Variants in RAB7A observed in about 807,000 individuals in gnomAD.
RAB7A encodes the protein ras-related protein Rab-7a.
A neutral mutation model predicts 24.5 loss-of-function variants in RAB7A; 2 were observed. The observed-to-expected ratio is 0.08, with a 90% confidence interval of 0.03 to 0.26. The LOEUF (loss-of-function observed/expected upper bound fraction) is 0.26. RAB7A is among the 10% of genes least tolerant of loss of function. The pLI is 1.00. For missense variants in RAB7A, 118 were observed against 255.7 expected (o/e 0.46, Z 3.67); for synonymous variants, 100 against 95.9 (o/e 1.04, Z -0.25).
chr3:128,763,188 T>TTATATATATATATA lies in RAB7A; in HGVS notation c.-8-32164_-8-32151dup, dbSNP rs765866649. Among the ~76,000 whole-genome samples, 57 of 82,086 alleles carry TTATATATATATATA rather than the reference T, an allele frequency of 6.9e-4. 3 individuals carry two copies. Among genetic ancestry groups the TTATATATATATATA allele is most frequent in the African/African-American group, 2.7e-3 (56 of 20,504 alleles). The allele number at this position is 82,086 out of a possible 152,430, so 53.9% of individuals were successfully genotyped here. On this transcript the variant is annotated intron_variant, in intron 1 of 5. Coordinates refer to ENST00000265062, the MANE Select transcript of RAB7A (RefSeq NM_004637.6). The stretch of plus-strand genomic sequence containing the variant: ...GTCTAAAGGCTTGAGTACATTTAGC[T>TTATATATATATATA]TATATATATATATATATATATTTTT...
chr3:128,758,241 G>A (rs183797540), intron 1 of RAB7A, among the ~76,000 whole-genome samples: 2 of 151,378 alleles, frequency 1.3e-5, no homozygotes, highest in African/African-American at 2.4e-5. Flanking sequence ...TGGGGTTACA[G>A]GTGTGAGCCA....
chr3:128,727,509 C>G (rs2070392800), intron 1 of RAB7A, among the ~76,000 whole-genome samples: 1 of 152,162 alleles, frequency 6.6e-6, no homozygotes, highest in African/African-American at 2.4e-5. Context: ...CCCTTAAAGC[C>G]ATAAGAAATG....
intron 2 of RAB7A, among the ~76,000 whole-genome samples, chr3:128,796,954 A>G (rs917882124): frequency 6.6e-6 from 1 of 152,162 alleles, no homozygotes; most frequent in South Asian, 2.1e-4. Flanking sequence ...TTGAGCCACC[A>G]TGCCCAGCCT....
At chr3:128,741,243 G>A (rs1232799899) in intron 1 of RAB7A, among the ~76,000 whole-genome samples, 1 of 152,014 alleles carries the variant, frequency 6.6e-6, no homozygotes, top group Non-Finnish European at 1.5e-5. Context: ...TTCCTGGCTT[G>A]TATCTCTTGG....
At chr3:128,772,108 A>G (rs1932952362) in intron 1 of RAB7A, among the ~76,000 whole-genome samples, 1 of 152,244 alleles carries the variant, frequency 6.6e-6, no homozygotes, top group Non-Finnish European at 1.5e-5. Context: ...GTAGGACAAC[A>G]AAGAGCAGAC....
intron 1 of RAB7A, among the ~76,000 whole-genome samples, chr3:128,753,837 CTG>C (rs2070708014): frequency 6.6e-6 from 1 of 152,124 alleles, no homozygotes; most frequent in East Asian, 1.9e-4. Context: ...TGGAGTCTCA[CTG>C]TGTTGCCCAG....
At chr3:128,804,938 G>C (rs1473143250) in intron 3 of RAB7A, among the ~76,000 whole-genome samples, 1 of 152,208 alleles carries the variant, frequency 6.6e-6, no homozygotes. Context: ...CACCCCATCT[G>C]CTGTTGCCAG....
chr3:128,766,968 G>GTT (rs796473784), intron 1 of RAB7A, among the ~76,000 whole-genome samples: 1 of 147,318 alleles, frequency 6.8e-6, no homozygotes, highest in African/African-American at 2.5e-5. Flanking sequence ...CTCGTTTTCT[G>GTT]TTTTTTTTTT....
At chr3:128,743,957 T>A (rs1428901239) in intron 1 of RAB7A, among the ~76,000 whole-genome samples, 4 of 151,976 alleles carry the variant, frequency 2.6e-5, no homozygotes, top group Non-Finnish European at 5.9e-5. Context: ...CCCAGCTAAC[T>A]TGTGTATTTT....
chr3:128,729,754 T>C (rs1247684815), intron 1 of RAB7A, among the ~76,000 whole-genome samples: 3 of 152,174 alleles, frequency 2.0e-5, no homozygotes, highest in Non-Finnish European at 4.4e-5. Context: ...TGATAAAGTA[T>C]TTATCTCCCC....
intron 3 of RAB7A, among the ~76,000 whole-genome samples, chr3:128,798,687 A>G (rs910881828): frequency 6.6e-6 from 1 of 151,876 alleles, no homozygotes; most frequent in Non-Finnish European, 1.5e-5. Flanking sequence ...GTTTGTATAC[A>G]TGTATTAACA....
chr3:128,813,706 G>A lies in RAB7A; in HGVS notation c.*284G>A, dbSNP rs1269790153. The A allele has an allele frequency of 2.1e-6, 1 of 484,100 alleles. No individual in the cohort carries two copies. Among genetic ancestry groups the A allele is most frequent in the Non-Finnish European group, 3.8e-6 (1 of 260,794 alleles). 30.0% of individuals were successfully genotyped at this position (484,100 alleles called of 1,614,324 possible). A position where few individuals can be genotyped will look rare whatever the true frequency, so the allele number is the denominator to read the frequency against. ...CCCACATGAGCCCGCGAGTATGGCA[G>A]CAGGACAAGCCAGCGGTGGAAGTCA... On this transcript the variant is annotated 3_prime_UTR_variant, in exon 6 of 6. Coordinates refer to ENST00000265062, the MANE Select transcript of RAB7A (RefSeq NM_004637.6).
At chr3:128,773,189 C>T (rs1339298961) in intron 1 of RAB7A, among the ~76,000 whole-genome samples, 2 of 151,906 alleles carry the variant, frequency 1.3e-5, no homozygotes, top group African/African-American at 4.8e-5. Flanking sequence ...GTGGGGAGCG[C>T]CTCTGCCCGG....
intron 1 of RAB7A, among the ~76,000 whole-genome samples, chr3:128,783,698 T>G (rs1933270950): frequency 6.6e-6 from 1 of 152,232 alleles, no homozygotes; most frequent in Non-Finnish European, 1.5e-5. Context: ...ACCCCCCTGA[T>G]GCTTAGCTGC....
chr3:128,803,065 C>T (rs1314588370), intron 3 of RAB7A, among the ~76,000 whole-genome samples: 1 of 152,226 alleles, frequency 6.6e-6, no homozygotes, highest in Non-Finnish European at 1.5e-5. Context: ...CTACCTTGGC[C>T]TCCCAAAGTC....
At chr3:128,737,046 A>ATTTAT (rs11425942) in intron 1 of RAB7A, among the ~76,000 whole-genome samples, 6 of 151,810 alleles carry the variant, frequency 4.0e-5, no homozygotes, top group East Asian at 1.9e-4. Context: ...TTATTTATTT[A>ATTTAT]TTATTTTTTG....
At chr3:128,807,813 G>C in intron 5 of RAB7A, 142 bp downstream of exon 5, 1 of 1,258,084 alleles carries the variant, frequency 7.9e-7, no homozygotes, top group South Asian at 1.2e-5. Flanking sequence ...CATCTGGGAA[G>C]GTTATGACAT....
chr3:128,739,817 C>T (rs2070531547), intron 1 of RAB7A, among the ~76,000 whole-genome samples: 1 of 152,202 alleles, frequency 6.6e-6, no homozygotes, highest in Admixed American at 6.5e-5. Context: ...CGCCTGTAAT[C>T]CCAGCACTTT....
intron 1 of RAB7A, among the ~76,000 whole-genome samples, chr3:128,753,364 AG>A (rs201177418): frequency 6.7e-6 from 1 of 148,636 alleles, no homozygotes; most frequent in Non-Finnish European, 1.5e-5. Context: ...TAGAGGATGA[AG>A]GGGGGGGAAA....
Sources: gnomAD v4.1 joint callset for allele counts (sites outside exome capture counted in the v4.1 genomes callset) on GRCh38, gnomAD v4.1.1 for gene constraint, MANE v1.5 for transcripts, NCBI Gene and HGNC (gene_info 2026-07-23, HGNC 2026-07-21) for gene names.